The following HYCC2 variants were observed in gnomAD, a reference collection of about 807,000 sequenced individuals.
HYCC2 encodes hyccin PI4KA lipid kinase complex subunit 2.
chr2:200,987,672 A>C, the HYCC2 span: 1 of 540,280 alleles, frequency 1.9e-6, no homozygotes, highest in African/African-American at 2.0e-5. Context: ...ATGTGTGTGC[A>C]TGCTGTGCAC....
chr2:201,068,636 C>T, the HYCC2 span, among the ~76,000 whole-genome samples: 1 of 152,182 alleles, frequency 6.6e-6, no homozygotes, highest in Non-Finnish European at 1.5e-5. Flanking sequence ...GTATCTATTT[C>T]CAACTCCATG....
chr2:201,040,326 TTC>T, the HYCC2 span, among the ~76,000 whole-genome samples: 34 of 152,274 alleles, frequency 2.2e-4, no homozygotes, highest in African/African-American at 8.2e-4. Context: ...GCCTCAGAAT[TTC>T]TTTCATTAAA....
chr2:201,060,825 T>A, the HYCC2 span, among the ~76,000 whole-genome samples: 1 of 152,316 alleles, frequency 6.6e-6, no homozygotes, highest in South Asian at 2.1e-4. Flanking sequence ...GTATAAGATA[T>A]TTCTACTGAA....
chr2:201,045,220 G>A, the HYCC2 span, among the ~76,000 whole-genome samples: 1 of 152,174 alleles, frequency 6.6e-6, no homozygotes, highest in Non-Finnish European at 1.5e-5. Context: ...CTATTGGACA[G>A]CATCGATCTA....
At chr2:201,042,997 G>A in the HYCC2 span, among the ~76,000 whole-genome samples, 1 of 152,240 alleles carries the variant, frequency 6.6e-6, no homozygotes, top group Non-Finnish European at 1.5e-5. Context: ...TAGAAAAGGG[G>A]GAAATGTGGG....
At chr2:201,061,762 G>A in the HYCC2 span, among the ~76,000 whole-genome samples, 3 of 151,656 alleles carry the variant, frequency 2.0e-5, no homozygotes, top group East Asian at 1.9e-4. Context: ...TAAAGAAAAC[G>A]GAAAATAAAC....
the HYCC2 span, among the ~76,000 whole-genome samples, chr2:201,071,139 T>C: frequency 6.6e-6 from 1 of 152,180 alleles, no homozygotes; most frequent in Non-Finnish European, 1.5e-5. Flanking sequence ...CAATAATGAG[T>C]GTTCAGAATC....
the HYCC2 span, among the ~76,000 whole-genome samples, chr2:201,049,412 C>T: frequency 4.6e-3 from 705 of 152,096 alleles, 4 homozygotes; most frequent in African/African-American, 0.016. Flanking sequence ...TGCACTGGCG[C>T]GATCTTGGCT....
the HYCC2 span, chr2:200,992,882 C>A: frequency 6.5e-7 from 1 of 1,532,130 alleles, no homozygotes; most frequent in Non-Finnish European, 9.0e-7. Context: ...ATTCCACCTA[C>A]TTACATGGCA....
At chr2:200,984,029 A>G in the HYCC2 span, among the ~76,000 whole-genome samples, 1 of 152,072 alleles carries the variant, frequency 6.6e-6, no homozygotes, top group African/African-American at 2.4e-5. Flanking sequence ...ATTTTTAAAA[A>G]CATTTATTTA....
chr2:201,043,041 T>C, the HYCC2 span, among the ~76,000 whole-genome samples: 168 of 152,310 alleles, frequency 1.1e-3, no homozygotes, highest in African/African-American at 3.8e-3. Context: ...TGTGTCTGTG[T>C]AGAAAGAAGT....
the HYCC2 span, chr2:201,024,111 CT>C: frequency 3.6e-6 from 3 of 839,996 alleles, no homozygotes; most frequent in African/African-American, 1.7e-5. Flanking sequence ...TGATATGTGC[CT>C]TTCACCAAGG....
chr2:201,041,412 C>T, the HYCC2 span, among the ~76,000 whole-genome samples: 1 of 152,246 alleles, frequency 6.6e-6, no homozygotes, highest in African/African-American at 2.4e-5. Context: ...TTCTCTACAG[C>T]TTTACGTGCA....
chr2:200,985,943 A>C, the HYCC2 span, among the ~76,000 whole-genome samples: 1 of 152,228 alleles, frequency 6.6e-6, no homozygotes, highest in African/African-American at 2.4e-5. Context: ...TTAACATAGT[A>C]CTATATTTAG....
the HYCC2 span, chr2:200,981,166 G>C: frequency 7.4e-7 from 1 of 1,348,204 alleles, no homozygotes; most frequent in Non-Finnish European, 1.0e-6. This position sits in a 1 kb window ranked among gnomAD's most constrained non-coding sequence, Gnocchi z 4.5. Flanking sequence ...AATGAAATCT[G>C]ATAACAGTGA....
chr2:201,040,086 T>C, the HYCC2 span, among the ~76,000 whole-genome samples: 47 of 151,832 alleles, frequency 3.1e-4, no homozygotes, highest in Non-Finnish European at 5.4e-4. Context: ...GGGCAGAGAA[T>C]TGCTTGAACC....
the HYCC2 span, among the ~76,000 whole-genome samples, chr2:201,033,194 T>TGAGA: frequency 9.9e-3 from 1,244 of 125,578 alleles, 10 homozygotes; most frequent in African/African-American, 0.013. Flanking sequence ...TGTGTGTGTG[T>TGAGA]GTGAGAGAGA....
At chr2:201,052,039 TG>T in the HYCC2 span, 3 of 152,248 alleles carry the variant, frequency 2.0e-5, no homozygotes, top group African/African-American at 7.2e-5. Context: ...GGCTCATGCC[TG>T]TAATCCTAGC....
At chr2:201,034,571 C>T in the HYCC2 span, among the ~76,000 whole-genome samples, 1 of 152,178 alleles carries the variant, frequency 6.6e-6, no homozygotes, top group Non-Finnish European at 1.5e-5. Flanking sequence ...ATTTGCCAGT[C>T]TATGTCTTTT....
Sources: allele counts gnomAD v4.1 joint callset (sites outside exome capture counted in the v4.1 genomes callset), GRCh38; gene constraint gnomAD v4.1.1; non-coding constraint Gnocchi (gnomAD v3.1); transcripts MANE v1.5; gene names NCBI Gene and HGNC (gene_info 2026-07-23, HGNC 2026-07-21).